ZHX2: variants seen among roughly 807,000 people sequenced by gnomAD.
ZHX2 encodes the protein zinc fingers and homeoboxes protein 2.
Under a neutral mutation model 21.9 loss-of-function variants are expected in ZHX2, and 6 were observed. The ratio of observed to expected loss-of-function variants is 0.27; its 90% CI spans 0.15 to 0.54. The LOEUF (loss-of-function observed/expected upper bound fraction) is 0.54. ZHX2 is among the 20% of genes least tolerant of loss of function. ZHX2 has a pLI of 0.95. For synonymous variants in ZHX2, 434 were observed against 437.1 expected (o/e 0.99, Z 0.09); for missense variants, 908 against 1,090.7 (o/e 0.83, Z 2.36).
intron 2 of ZHX2, among the ~76,000 whole-genome samples, chr8:122,937,594 T>C (rs985096138): frequency 3.9e-5 from 6 of 152,022 alleles, no homozygotes; most frequent in Non-Finnish European, 5.9e-5. Context: ...CTTTTTTTTT[T>C]TTTTAGACTC....
chr8:122,796,149 C>A (rs1256602435), intron 1 of ZHX2, among the ~76,000 whole-genome samples: 2 of 138,078 alleles, frequency 1.4e-5, no homozygotes, highest in Non-Finnish European at 3.0e-5. Context: ...CCAGCCTGCA[C>A]AATGGAGCGA....
chr8:122,942,992 T>C (rs2130222635), intron 2 of ZHX2, among the ~76,000 whole-genome samples: 1 of 152,212 alleles, frequency 6.6e-6, no homozygotes, highest in Middle Eastern at 3.4e-3. Flanking sequence ...CCAGGCACGG[T>C]GGCTCATGCC....
chr8:122,926,566 G>A (rs888112992), intron 2 of ZHX2, among the ~76,000 whole-genome samples: 15 of 152,184 alleles, frequency 9.9e-5, no homozygotes, highest in East Asian at 5.8e-4. Flanking sequence ...GCAGTTGTTC[G>A]CTGTCAGGTG....
chr8:122,819,550 G>T (rs952189168), intron 1 of ZHX2, among the ~76,000 whole-genome samples: 6 of 152,224 alleles, frequency 3.9e-5, no homozygotes, highest in Non-Finnish European at 8.8e-5. Flanking sequence ...GCCAGACTGG[G>T]ACACATCTGC....
At chr8:122,937,954 T>TTTTTA (rs1812746868) in intron 2 of ZHX2, among the ~76,000 whole-genome samples, 1 of 142,872 alleles carries the variant, frequency 7.0e-6, no homozygotes, top group East Asian at 2.1e-4. Context: ...TTTTTTTTTT[T>TTTTTA]GAGACGGAGT....
intron 1 of ZHX2, among the ~76,000 whole-genome samples, chr8:122,856,213 GTC>G (rs1320492562): frequency 6.6e-6 from 1 of 152,204 alleles, no homozygotes; most frequent in Admixed American, 6.5e-5. Flanking sequence ...GAGTCTGTCA[GTC>G]TCTAACCAAG....
At chr8:122,959,668 G>C (rs956791039) in intron 3 of ZHX2, among the ~76,000 whole-genome samples, 1 of 152,140 alleles carries the variant, frequency 6.6e-6, no homozygotes, top group Non-Finnish European at 1.5e-5. Flanking sequence ...GTTGACAGCA[G>C]CGAGAGGAGA....
At chr8:122,873,017 G>A (rs1210948043) in intron 2 of ZHX2, among the ~76,000 whole-genome samples, 1 of 152,232 alleles carries the variant, frequency 6.6e-6, no homozygotes, top group East Asian at 1.9e-4. Flanking sequence ...GCCAACTGCT[G>A]GAGCCAAAGG....
chr8:122,945,152 G>C (rs1812937797), intron 2 of ZHX2, among the ~76,000 whole-genome samples: 1 of 152,156 alleles, frequency 6.6e-6, no homozygotes. Context: ...GTGGCATTTT[G>C]TCATGGCAGC....
intron 1 of ZHX2, among the ~76,000 whole-genome samples, chr8:122,784,123 A>T (rs970877053): frequency 2.6e-5 from 4 of 152,228 alleles, no homozygotes; most frequent in Non-Finnish European, 5.9e-5. Context: ...TATTCCTGTG[A>T]TGTAAGTGCA....
intron 1 of ZHX2, among the ~76,000 whole-genome samples, chr8:122,785,323 A>T (rs34992690): frequency 6.6e-6 from 1 of 152,000 alleles, no homozygotes; most frequent in African/African-American, 2.4e-5. Flanking sequence ...GGGTAAAGGG[A>T]GATGATGCCT....
In ZHX2 at chr8:122,828,771, C is replaced by T. The variant is rs1818313134; in HGVS notation, c.-282-34706C>T. Among the ~76,000 whole-genome samples the T allele has an allele frequency of 6.6e-6, 1 of 152,144 alleles. No individual in the cohort carries two copies. Among genetic ancestry groups the T allele is most frequent in the Non-Finnish European group, 1.5e-5 (1 of 68,032 alleles). Reference sequence around the variant, plus strand: ...CCTGCAAAGGGGTTCTTGGAAGGCTCATTCTAGGTTGTTCTCATTGGGAAT... The same window carrying T: ...CCTGCAAAGGGGTTCTTGGAAGGCTTATTCTAGGTTGTTCTCATTGGGAAT... On this transcript the variant is annotated intron_variant, in intron 1 of 3. Coordinates refer to ENST00000314393, the MANE Select transcript of ZHX2 (RefSeq NM_014943.5). The surrounding 1 kb of genome is among the most constrained non-coding windows in gnomAD (Gnocchi z 5.2).
rs181317276 is a variant in ZHX2, at chr8:122,791,779, T to C, written c.-283+9833T>C. On this transcript the variant is annotated intron_variant, in intron 1 of 3. Transcript: ENST00000314393. ...ACTTGGGAGGCTGAGGCAGGAGAATTGCTTGAACCTGGGAGGTGGAGGTTG... is the reference window on the plus strand; with the variant it reads ...ACTTGGGAGGCTGAGGCAGGAGAATCGCTTGAACCTGGGAGGTGGAGGTTG... 6.3e-3 allele frequency among the ~76,000 whole-genome samples: 953 copies of C among 151,776 alleles called. 16 individuals carry two copies. The highest frequency in any genetic ancestry group is 0.043 in the East Asian group (222 of 5,106).
intron 1 of ZHX2, among the ~76,000 whole-genome samples, chr8:122,783,402 C>G (rs1318897435): frequency 6.6e-6 from 1 of 152,082 alleles, no homozygotes; most frequent in African/African-American, 2.4e-5. Context: ...AGGCAGGCCC[C>G]GATGAGCAGA....
chr8:122,914,524 CA>C (rs1334632357), intron 2 of ZHX2, among the ~76,000 whole-genome samples: 1 of 152,236 alleles, frequency 6.6e-6, no homozygotes, highest in Non-Finnish European at 1.5e-5. Context: ...GCTGCCAGAA[CA>C]AAATGCTCGC....
At chr8:122,867,077 G>A (rs1369543743) in intron 2 of ZHX2, among the ~76,000 whole-genome samples, 3 of 151,308 alleles carry the variant, frequency 2.0e-5, no homozygotes, top group Admixed American at 6.6e-5. Flanking sequence ...CAAGTGATCC[G>A]CCCACCTCAG....
At chr8:122,914,307 AGCACTGAAG>A (rs1294415276) in intron 2 of ZHX2, among the ~76,000 whole-genome samples, 1 of 152,258 alleles carries the variant, frequency 6.6e-6, no homozygotes, top group African/African-American at 2.4e-5. Flanking sequence ...GGGACAGAGA[AGCACTGAAG>A]GCACTTGAGT....
intron 1 of ZHX2, among the ~76,000 whole-genome samples, chr8:122,801,141 G>A (rs1256794091): frequency 2.0e-5 from 3 of 152,102 alleles, no homozygotes; most frequent in East Asian, 3.8e-4. Context: ...AGTGTTTGGC[G>A]GTTCAAAATA....
chr8:122,935,568 C>T (rs1812664006), intron 2 of ZHX2, among the ~76,000 whole-genome samples: 1 of 145,822 alleles, frequency 6.9e-6, no homozygotes, highest in Non-Finnish European at 1.5e-5. Context: ...CGGAGTCTCA[C>T]TCTGTCACCC....
Sources: gnomAD v4.1 joint callset for allele counts (sites outside exome capture counted in the v4.1 genomes callset) on GRCh38, gnomAD v4.1.1 for gene constraint, Gnocchi (gnomAD v3.1) non-coding constraint, MANE v1.5 for transcripts, NCBI Gene and HGNC (gene_info 2026-07-23, HGNC 2026-07-21) for gene names.